Variants in GAS7 observed in about 807,000 individuals in gnomAD.
The protein encoded by GAS7 is growth arrest-specific protein 7.
GAS7 carries 28 observed loss-of-function variants against 71.1 expected under a neutral mutation model. The observed-to-expected ratio is 0.39, with a 90% CI of 0.29 to 0.54. The LOEUF (loss-of-function observed/expected upper bound fraction) is 0.54. Ranked by LOEUF, GAS7 falls within the 20% of genes least tolerant of loss-of-function variation. The probability of loss-of-function intolerance (pLI) is 0.62; values close to 1 mark genes in which losing one functional copy is unlikely to be tolerated. For synonymous variants in GAS7, 258 were observed against 245.8 expected, an observed-to-expected ratio of 1.05 and a Z score of -0.46; for missense variants, 436 against 627.8, an observed-to-expected ratio of 0.69 and a Z score of 3.27.
rs146173412 is a variant in GAS7 at position 9,918,709 on chromosome 17, G to A, written c.1219-610C>T. 8.0e-3 allele frequency among the ~76,000 whole-genome samples: 1,216 copies of A among 152,338 alleles called. 8 individuals carry two copies. Among genetic ancestry groups the A allele is most frequent in the Middle Eastern group, 0.014 (4 of 294 alleles). On this transcript the variant is annotated intron_variant, in intron 12 of 13. Transcript: ENST00000432992. Reference sequence around the variant, plus strand: ...GCCAGGGAGGCAGACTGGGCTGCACGTGGCACAGCTTTTGTCAAAGGGGAG... The same window carrying A: ...GCCAGGGAGGCAGACTGGGCTGCACATGGCACAGCTTTTGTCAAAGGGGAG...
At chr17:10,016,108 G>C (rs116766561) in intron 2 of GAS7, among the ~76,000 whole-genome samples, 1 of 152,048 alleles carries the variant, frequency 6.6e-6, no homozygotes, top group Non-Finnish European at 1.5e-5. Context: ...AGTTAAGGTC[G>C]GGCACGGTGG....
intron 1 of GAS7, among the ~76,000 whole-genome samples, chr17:10,027,611 G>A (rs946238177): frequency 8.5e-5 from 13 of 152,204 alleles, no homozygotes; most frequent in African/African-American, 2.9e-4. Context: ...GTGAGGACAC[G>A]CTATTCCTTT....
rs56033328 is a variant in GAS7 at position 9,957,247 on chromosome 17, T to G, written c.525+1955A>C. Reference sequence around the variant, plus strand: ...AGGTCTGGGGTGCCATCCAGGAATCTGCATTTTAAAAAAGGTCTTGGAGGC... The same window carrying G: ...AGGTCTGGGGTGCCATCCAGGAATCGGCATTTTAAAAAAGGTCTTGGAGGC... On this transcript the variant is annotated intron_variant, in intron 5 of 13. Transcript: ENST00000432992. Among the ~76,000 whole-genome samples, 1,278 of 152,330 alleles carry G rather than the reference T, an allele frequency of 8.4e-3. 19 individuals are homozygous for G. The highest frequency in any genetic ancestry group is 0.028 in the African/African-American group (1,173 of 41,592).
In GAS7 at chr17:10,198,234, G is replaced by A; in HGVS notation, c.157C>T (p.Pro53Ser). The change falls in exon 1 of 14, where the codon CCG becomes TCG. Residue 53 changes from proline to serine, a missense_variant. Transcript: ENST00000432992. ...TCCAGCAACTGCACGTAGCTCGCCG[G>A]GAACCAGCCACGGAGCCCGTCCTCC... ...EKEDGLRGWF[P>S]ASYVQLLEKP... 6.2e-7 allele frequency: 1 copy of A among 1,608,042 alleles called. No individual in the cohort carries two copies. Among genetic ancestry groups the A allele is most frequent in the Non-Finnish European group, 8.5e-7 (1 of 1,179,468 alleles).
intron 3 of GAS7, among the ~76,000 whole-genome samples, chr17:9,977,978 T>G (rs2070271853): frequency 6.6e-6 from 1 of 152,176 alleles, no homozygotes; most frequent in East Asian, 1.9e-4. Context: ...TTTGGGAGGC[T>G]GAGGCTGGAG....
Position 10,124,713 on chromosome 17 carries a change from T to C in GAS7, c.183+73495A>G, listed in dbSNP as rs1259502851. 4.0e-5 allele frequency among the ~76,000 whole-genome samples: 6 copies of C among 151,860 alleles called. No individual in the cohort carries two copies. The South Asian group carries it at 1.2e-3, about 32-fold the overall frequency. On this transcript the variant is annotated intron_variant, in intron 1 of 13. Coordinates refer to ENST00000432992, the MANE Select transcript of GAS7 (RefSeq NM_201433.2). ...GCATGTGGATCACCTAAGGTCGGAGTTGGAGACCAGCCTGGCCAACATGGT... is the reference window on the plus strand; with the variant it reads ...GCATGTGGATCACCTAAGGTCGGAGCTGGAGACCAGCCTGGCCAACATGGT...
intron 1 of GAS7, among the ~76,000 whole-genome samples, chr17:10,162,926 G>A (rs376401051): frequency 6.6e-6 from 1 of 152,136 alleles, no homozygotes; most frequent in East Asian, 1.9e-4. Context: ...AAATCATGGT[G>A]AAGGCTGTAC....
chr17:9,990,297 G>A (rs7216809), intron 2 of GAS7, among the ~76,000 whole-genome samples: 62,375 of 152,048 alleles, frequency 0.41, 14,340 homozygotes, highest in African/African-American at 0.62. Context: ...AAGAAAGCTC[G>A]CCCTACGGAT....
At chr17:10,055,522 C>T (rs759171470) in intron 1 of GAS7, among the ~76,000 whole-genome samples, 3 of 152,174 alleles carry the variant, frequency 2.0e-5, no homozygotes, top group South Asian at 2.1e-4. Context: ...CCCAAAATGA[C>T]GTTGCATCCT....
intron 1 of GAS7, among the ~76,000 whole-genome samples, chr17:10,090,955 A>T (rs761911224): frequency 2.4e-4 from 37 of 152,174 alleles, no homozygotes; most frequent in Admixed American, 4.6e-4. Context: ...AACCAAGCCA[A>T]GAAGGCTTTT....
chr17:9,949,553 C>T (rs1374145397), intron 5 of GAS7, among the ~76,000 whole-genome samples: 2 of 152,092 alleles, frequency 1.3e-5, no homozygotes, highest in South Asian at 2.1e-4. Flanking sequence ...AGACCTCAGT[C>T]GCAGTCTGGG....
At chr17:10,117,396 G>C (rs2073869991) in intron 1 of GAS7, among the ~76,000 whole-genome samples, 2 of 152,150 alleles carry the variant, frequency 1.3e-5, no homozygotes, top group Non-Finnish European at 2.9e-5. Context: ...CATATTCACA[G>C]GCTCCAGAGA....
At chr17:10,150,782 T>A (rs1349544755) in intron 1 of GAS7, among the ~76,000 whole-genome samples, 2 of 151,890 alleles carry the variant, frequency 1.3e-5, no homozygotes. Flanking sequence ...ACAGACAGGG[T>A]TTCACCATGT....
chr17:10,079,504 T>C (rs1191581529), intron 1 of GAS7, among the ~76,000 whole-genome samples: 1 of 152,200 alleles, frequency 6.6e-6, no homozygotes, highest in Non-Finnish European at 1.5e-5. Flanking sequence ...GGAGGCTTCA[T>C]CTAAATGATG....
chr17:9,936,105 G>A (rs559012199), intron 8 of GAS7, among the ~76,000 whole-genome samples: 2 of 152,324 alleles, frequency 1.3e-5, no homozygotes, highest in South Asian at 4.1e-4. Flanking sequence ...GGAGGAAAAG[G>A]AATCTCGGCC....
intron 1 of GAS7, among the ~76,000 whole-genome samples, chr17:10,143,968 C>G (rs532825633): frequency 6.6e-6 from 1 of 152,330 alleles, no homozygotes; most frequent in African/African-American, 2.4e-5. Flanking sequence ...CATCCCCACC[C>G]ATTCCCCACC....
At chr17:10,122,476 CT>C (rs776125552) in intron 1 of GAS7, among the ~76,000 whole-genome samples, 3 of 152,164 alleles carry the variant, frequency 2.0e-5, no homozygotes, top group Non-Finnish European at 4.4e-5. Context: ...GAAAGGCCCC[CT>C]GGGACCCGAC....
chr17:10,167,073 T>TTTTTTTTC (rs138918612), intron 1 of GAS7, among the ~76,000 whole-genome samples: 2 of 116,008 alleles, frequency 1.7e-5, no homozygotes, highest in Non-Finnish European at 1.8e-5. Flanking sequence ...TTTTTTTTTT[T>TTTTTTTTC]TGAGACAGAG....
chr17:10,120,522 C>G (rs2073895934), intron 1 of GAS7, among the ~76,000 whole-genome samples: 1 of 152,096 alleles, frequency 6.6e-6, no homozygotes, highest in African/African-American at 2.4e-5. Flanking sequence ...ACCAGCCTGG[C>G]CAACATGGCG....
Sources: gnomAD v4.1 joint callset for allele counts (sites outside exome capture counted in the v4.1 genomes callset) on GRCh38, gnomAD v4.1.1 for gene constraint, MANE v1.5 for transcripts, NCBI Gene and HGNC (gene_info 2026-07-23, HGNC 2026-07-21) for gene names.